LRBA: variants seen among roughly 807,000 people sequenced by gnomAD.
LRBA encodes the protein LPS responsive beige-like anchor protein, also known as lipopolysaccharide-responsive and beige-like anchor protein.
Under a neutral mutation model 330.0 loss-of-function variants are expected in LRBA, and 176 were observed. That is an observed-to-expected ratio of 0.53 (90% CI 0.47 to 0.60). The LOEUF (loss-of-function observed/expected upper bound fraction) is 0.60, where lower values mean the gene tolerates loss of function less well. Among genes scored for constraint, LRBA ranks in the 20% least tolerant of loss-of-function variants. The probability of loss-of-function intolerance (pLI) is 0.00; values close to 1 mark genes in which losing one functional copy is unlikely to be tolerated. For missense variants in LRBA, 3,259 were observed against 3,444.8 expected (o/e 0.95, Z 1.35); for synonymous variants, 1,230 against 1,193.0 (o/e 1.03, Z -0.64).
intron 2 of LRBA, among the ~76,000 whole-genome samples, chr4:150,955,073 G>A (rs778429388): frequency 6.1e-5 from 9 of 148,582 alleles, no homozygotes; most frequent in Non-Finnish European, 8.8e-5. Flanking sequence ...CCCAGAGTTC[G>A]AGAATGGCCT....
intron 37 of LRBA, among the ~76,000 whole-genome samples, chr4:150,673,350 T>C (rs1782240817): frequency 1.3e-5 from 2 of 152,188 alleles, no homozygotes; most frequent in African/African-American, 4.8e-5. Flanking sequence ...TGAAAAAAGA[T>C]AAGTCATTGT....
At chr4:150,995,991 C>G (rs1742590425) in intron 2 of LRBA, among the ~76,000 whole-genome samples, 1 of 150,314 alleles carries the variant, frequency 6.7e-6, no homozygotes. Context: ...AGGAAGACAT[C>G]TGGGTCTTGT....
At chr4:150,555,423 C>T (rs1019286331) in intron 40 of LRBA, among the ~76,000 whole-genome samples, 14 of 152,224 alleles carry the variant, frequency 9.2e-5, no homozygotes, top group Middle Eastern at 3.4e-3. Context: ...ACTATGCTAG[C>T]TCATCAAGTA....
intron 31 of LRBA, among the ~76,000 whole-genome samples, chr4:150,815,233 G>C (rs546001600): frequency 6.6e-6 from 1 of 151,470 alleles, no homozygotes; most frequent in African/African-American, 2.4e-5. Context: ...TCACAAAAGG[G>C]ACTACTCTAG....
At chr4:150,791,012 G>A (rs558973814) in intron 34 of LRBA, among the ~76,000 whole-genome samples, 2 of 152,256 alleles carry the variant, frequency 1.3e-5, no homozygotes, top group African/African-American at 4.8e-5. Context: ...CTAAGGATAA[G>A]TTACAAACAC....
At chr4:150,435,087 G>T (rs879389045) in intron 46 of LRBA, among the ~76,000 whole-genome samples, 2 of 152,080 alleles carry the variant, frequency 1.3e-5, no homozygotes, top group Non-Finnish European at 2.9e-5. Flanking sequence ...GCTCACACCT[G>T]TAATATCAAC....
At chr4:150,749,285 C>T (rs1008197318) in intron 35 of LRBA, among the ~76,000 whole-genome samples, 1 of 152,088 alleles carries the variant, frequency 6.6e-6, no homozygotes, top group African/African-American at 2.4e-5. Context: ...ATCAAAACTT[C>T]TGGGCCAGGT....
At chr4:150,465,926 A>G (rs1755393244) in intron 44 of LRBA, among the ~76,000 whole-genome samples, 1 of 152,112 alleles carries the variant, frequency 6.6e-6, no homozygotes, top group African/African-American at 2.4e-5. Flanking sequence ...GGGAACACAG[A>G]GAAGAAAATG....
chr4:150,919,658 CAT>C (rs1733032408), intron 5 of LRBA, among the ~76,000 whole-genome samples: 1 of 152,044 alleles, frequency 6.6e-6, no homozygotes, highest in South Asian at 2.1e-4. Context: ...AGGAGAAAAA[CAT>C]ATATTCAGTG....
At chr4:150,849,192 ACAT>A (rs1750281689) in intron 25 of LRBA, among the ~76,000 whole-genome samples, 194 bp from the exon 26 acceptor site, 1 of 152,164 alleles carries the variant, frequency 6.6e-6, no homozygotes, top group Non-Finnish European at 1.5e-5. Context: ...TACAGGTGAA[ACAT>A]CATGAACCAC....
chr4:150,899,346 G>A (rs573642254), intron 14 of LRBA, among the ~76,000 whole-genome samples: 1 of 152,290 alleles, frequency 6.6e-6, no homozygotes, highest in African/African-American at 2.4e-5. Context: ...CAACACAGAA[G>A]AATTGGCAAG....
At chr4:150,291,204 A>C (rs1361626184) in intron 53 of LRBA, among the ~76,000 whole-genome samples, 1 of 147,932 alleles carries the variant, frequency 6.8e-6, no homozygotes, top group Non-Finnish European at 1.5e-5. Flanking sequence ...GTGGCAACAA[A>C]AGACAAAATT....
chr4:150,975,916 C>T (rs1311464453), intron 2 of LRBA, among the ~76,000 whole-genome samples: 2 of 152,018 alleles, frequency 1.3e-5, no homozygotes, highest in African/African-American at 4.8e-5. Context: ...AATCCCAACA[C>T]TTTGGGAGGC....
chr4:150,917,551 A>T (rs1732768987), intron 5 of LRBA, among the ~76,000 whole-genome samples: 1 of 152,240 alleles, frequency 6.6e-6, no homozygotes, highest in Non-Finnish European at 1.5e-5. Context: ...CAATATACAA[A>T]TGGCTTTACC....
intron 37 of LRBA, among the ~76,000 whole-genome samples, chr4:150,641,714 G>T (rs1334537835): frequency 2.0e-5 from 3 of 152,006 alleles, no homozygotes. Flanking sequence ...ACAAGGGCAA[G>T]AATTAGTTTA....
At chr4:150,882,056 A>C (rs1728456753) in intron 17 of LRBA, among the ~76,000 whole-genome samples, 1 of 152,134 alleles carries the variant, frequency 6.6e-6, no homozygotes, top group South Asian at 2.1e-4. Context: ...ATTGCACTCC[A>C]GCCTGGGCAA....
chr4:150,540,282 C>T (rs996853882), intron 40 of LRBA, among the ~76,000 whole-genome samples: 3 of 152,146 alleles, frequency 2.0e-5, no homozygotes, highest in Admixed American at 1.3e-4. Context: ...TGCAGTGGCG[C>T]GATCTCGGCT....
At chr4:150,406,906 G>A (rs543260086) in intron 47 of LRBA, among the ~76,000 whole-genome samples, 27 of 152,084 alleles carry the variant, frequency 1.8e-4, no homozygotes, top group Non-Finnish European at 3.5e-4. Flanking sequence ...TCAGCCTCCC[G>A]AGTAGCTGGA....
intron 46 of LRBA, chr4:150,422,595 A>C: frequency 1.8e-6 from 1 of 556,710 alleles, no homozygotes; most frequent in Non-Finnish European, 3.3e-6. Context: ...GGACACTTAG[A>C]CATCAGGTTC....
Sources: allele counts gnomAD v4.1 joint callset (sites outside exome capture counted in the v4.1 genomes callset), GRCh38; gene constraint gnomAD v4.1.1; transcripts MANE v1.5; gene names NCBI Gene and HGNC (gene_info 2026-07-23, HGNC 2026-07-21).